The following CD300LG variants were observed in gnomAD, a reference collection of about 807,000 sequenced individuals.
CD300LG encodes CMRF35-like molecule 9.
CD300LG carries 29 observed loss-of-function variants against 31.5 expected under a neutral mutation model. The ratio of observed to expected loss-of-function variants is 0.92; its 90% CI spans 0.68 to 1.25. The LOEUF (loss-of-function observed/expected upper bound fraction) is 1.25, where lower values mean the gene tolerates loss of function less well. CD300LG is among the 50% of genes most tolerant of loss of function. The pLI is 0.00. For missense variants in CD300LG, 396 were observed against 417.6 expected (o/e 0.95, Z 0.45); for synonymous variants, 175 against 177.2 (o/e 0.99, Z 0.10).
At chr17:43,853,083 T>A in intron 3 of CD300LG, 70 bp downstream of exon 3, 1 of 1,336,738 alleles carries the variant, frequency 7.5e-7, no homozygotes, top group Non-Finnish European at 1.1e-6. Context: ...AGTGCCTGCC[T>A]GGTACCAGAC....
At chr17:43,847,393 C>A in intron 1 of CD300LG, 134 bp downstream of exon 1, 1 of 333,490 alleles carries the variant, frequency 3.0e-6, no homozygotes, top group Non-Finnish European at 5.5e-6. Flanking sequence ...GCGGGGCGGG[C>A]TGGGGGTGGG....
rs776428586 is a variant in CD300LG, at chr17:43,858,579, G to A, written c.885+1423G>A. On this transcript the variant is annotated intron_variant, in intron 6 of 6. Transcript: ENST00000317310. The stretch of plus-strand genomic sequence containing the variant: ...AGCAGGCAGAGGGGCTCTAGGGGGC[G>A]GCCCCTTGTTGAGGGAAAGATGGAA... 1.0e-5 allele frequency: 10 copies of A among 985,304 alleles called. No homozygotes were observed. The South Asian group carries it at 1.4e-4, about 14-fold the overall frequency. 61.0% of individuals were successfully genotyped at this position (985,304 alleles called of 1,614,324 possible). A position where few individuals can be genotyped will look rare whatever the true frequency, so the allele number is the denominator to read the frequency against.
intron 4 of CD300LG, among the ~76,000 whole-genome samples, 199 bp from the exon 5 acceptor site, chr17:43,855,008 C>T (rs2046471476): frequency 6.6e-6 from 1 of 152,124 alleles, no homozygotes; most frequent in Non-Finnish European, 1.5e-5. Context: ...GGGGTCTGCG[C>T]TAATTACATA....
intron 6 of CD300LG, chr17:43,861,218 C>T (rs2046647200): frequency 1.0e-6 from 1 of 985,256 alleles, no homozygotes; most frequent in Non-Finnish European, 1.2e-6. Flanking sequence ...CGAGCCCTCT[C>T]CCAGCCTCTA....
intron 6 of CD300LG, among the ~76,000 whole-genome samples, chr17:43,860,431 AC>A (rs1391988056): frequency 1.3e-5 from 2 of 152,074 alleles, no homozygotes; most frequent in East Asian, 3.9e-4. Flanking sequence ...TGTCCAGGAA[AC>A]CCCAGGGCAG....
intron 2 of CD300LG, chr17:43,849,160 T>C: frequency 1.8e-6 from 1 of 551,296 alleles, no homozygotes; most frequent in Non-Finnish European, 3.2e-6. Flanking sequence ...CTCGGCGCCT[T>C]TCCTTTCTGC....
At chr17:43,855,168 C>A in intron 4 of CD300LG, 39 bp from the exon 5 acceptor site, 1 of 1,427,336 alleles carries the variant, frequency 7.0e-7, no homozygotes, top group Non-Finnish European at 9.6e-7. Context: ...TCTGGCTTAT[C>A]TGGTAACAGC....
rs1426575199 is a variant in CD300LG, at chr17:43,848,747, G to A, written c.233G>A (p.Arg78Lys). 1.2e-6 allele frequency: 2 copies of A among 1,614,056 alleles called. No individual in the cohort carries two copies. The highest frequency in any genetic ancestry group is 3.3e-5 in the Admixed American group (2 of 60,002). ...GAAGGCCAGGAGACAATGAAGGGCA[G>A]GGTGTCCATCCGTGACAGCCGCCAG... ...EEEGQETMKG[R>K]VSIRDSRQEL... The change falls in exon 2 of 7, where the codon AGG (arginine) becomes AAG (lysine). Residue 78 changes from arginine to lysine, a missense_variant. Transcript: ENST00000317310.
chr17:43,854,260 G>C (rs1221782271), intron 4 of CD300LG, among the ~76,000 whole-genome samples: 1 of 152,210 alleles, frequency 6.6e-6, no homozygotes, highest in Non-Finnish European at 1.5e-5. Context: ...AGTGTGAAGG[G>C]TCCACCAGGA....
chr17:43,852,888 G>A (rs543358805), intron 2 of CD300LG, 24 bp from the exon 3 acceptor site: 1 of 1,587,820 alleles, frequency 6.3e-7, no homozygotes, highest in Non-Finnish European at 8.6e-7. Context: ...CCACCCCTGA[G>A]AGCAGCCTTT....
chr17:43,848,436 G>A, intron 1 of CD300LG, 122 bp from the exon 2 acceptor site: 1 of 804,258 alleles, frequency 1.2e-6, no homozygotes, highest in African/African-American at 1.7e-5. Context: ...CTCTTCCAAG[G>A]CTGTCCCCAG....
At position 43,848,777 on chromosome 17, in the gene CD300LG, T is replaced by C. The variant is rs768545849; in HGVS notation, c.263T>C (p.Leu88Pro). The part of the protein sequence containing the change: ...RVSIRDSRQE[L>P]SLIVTLWNLT... ...TCCATCCGTGACAGCCGCCAGGAGC[T>C]CTCGCTCATTGTGACCCTGTGGAAC... Residue 88 changes from leucine to proline, a missense_variant, in exon 2 of 7, where the codon CTC (leucine) becomes CCC (proline). Transcript: ENST00000317310. The C allele has an allele frequency of 6.2e-7, 1 of 1,613,896 alleles. No homozygotes were observed. The highest frequency in any genetic ancestry group is 1.3e-5 in the African/African-American group (1 of 74,878).
At chr17:43,858,151 A>C in intron 6 of CD300LG, 2 of 1,273,722 alleles carry the variant, frequency 1.6e-6, no homozygotes, top group South Asian at 1.7e-5. Context: ...AGGACAAAAG[A>C]CTCAGGCCTG....
At position 43,861,851 on chromosome 17, in the gene CD300LG, G is replaced by A. The variant is rs767105891; in HGVS notation, c.939G>A (p.Ser313=). 29 of 1,612,612 alleles carry A rather than the reference G, an allele frequency of 1.8e-5. No homozygotes were observed. Among genetic ancestry groups the A allele is most frequent in the Non-Finnish European group, 2.2e-5 (26 of 1,179,472 alleles). ...AGGCCCCTGAGGGGGACGTGATCTC[G>A]ATGCCTCCCCTCCACACATCTGAGG... ...PSQAPEGDVI[S]MPPLHTSEEE... is the part of the protein sequence containing the mutation. The change falls in exon 7 of 7, where the codon TCG becomes TCA. Residue 313 remains serine, a synonymous_variant. Coordinates refer to ENST00000317310, the MANE Select transcript of CD300LG (RefSeq NM_145273.4).
At chr17:43,852,872 GC>G (rs749756408) in intron 2 of CD300LG, 39 bp from the exon 3 acceptor site, 7 of 1,509,566 alleles carry the variant, frequency 4.6e-6, no homozygotes, top group Non-Finnish European at 6.4e-6. Context: ...GGGGTTCAGA[GC>G]GGTGCCACCC....
intron 2 of CD300LG, among the ~76,000 whole-genome samples, chr17:43,851,126 T>C (rs1399237813): frequency 9.7e-6 from 1 of 102,706 alleles, no homozygotes; most frequent in Non-Finnish European, 1.7e-5. Flanking sequence ...AGAGCCAGAC[T>C]CAGTCTCAAA....
At chr17:43,857,576 T>C in intron 6 of CD300LG, 1 of 1,264,160 alleles carries the variant, frequency 7.9e-7, no homozygotes, top group Non-Finnish European at 1.1e-6. Flanking sequence ...CAGGGAGCTG[T>C]TAGAGATGCA....
chr17:43,860,657 T>G (rs1447645743), intron 6 of CD300LG, among the ~76,000 whole-genome samples: 1 of 152,248 alleles, frequency 6.6e-6, no homozygotes, highest in African/African-American at 2.4e-5. Context: ...TGATGGATAA[T>G]GGATTGCTCA....
At chr17:43,853,319 C>G (rs2046414507) in intron 3 of CD300LG, among the ~76,000 whole-genome samples, 1 of 152,214 alleles carries the variant, frequency 6.6e-6, no homozygotes, top group African/African-American at 2.4e-5. Context: ...GACCTCTGGA[C>G]TCATCCTGCC....
Sources: allele counts gnomAD v4.1 joint callset (sites outside exome capture counted in the v4.1 genomes callset), GRCh38; gene constraint gnomAD v4.1.1; transcripts MANE v1.5; gene names NCBI Gene and HGNC (gene_info 2026-07-23, HGNC 2026-07-21).